SOX5: variants seen among roughly 807,000 people sequenced by gnomAD.
SOX5 encodes SRY-box transcription factor 5.
SOX5 carries 9 observed loss-of-function variants against 92.0 expected under a neutral mutation model. The observed-to-expected ratio is 0.10, with a 90% CI of 0.06 to 0.17. The LOEUF (loss-of-function observed/expected upper bound fraction) is 0.17. Ranked by LOEUF, SOX5 falls within the 10% of genes least tolerant of loss-of-function variation. The probability of loss-of-function intolerance (pLI) is 1.00; values close to 1 mark genes in which losing one functional copy is unlikely to be tolerated. For missense variants in SOX5, 642 were observed against 944.5 expected, an observed-to-expected ratio of 0.68 and a Z score of 4.20; for synonymous variants, 344 against 336.3, an observed-to-expected ratio of 1.02 and a Z score of -0.25.
At chr12:24,500,793 C>T (rs918511113) in intron 1 of SOX5, among the ~76,000 whole-genome samples, 5 of 152,114 alleles carry the variant, frequency 3.3e-5, no homozygotes, top group Non-Finnish European at 4.4e-5. Context: ...AAATATAAAC[C>T]GGCATTTTTA....
At chr12:23,551,354 C>T (rs1283512589) in intron 11 of SOX5, among the ~76,000 whole-genome samples, 1 of 151,744 alleles carries the variant, frequency 6.6e-6, no homozygotes, top group Non-Finnish European at 1.5e-5. Flanking sequence ...AGGCGCATGT[C>T]CACTCTTTAA....
chr12:23,625,487 C>T, intron 8 of SOX5, among the ~76,000 whole-genome samples: 1 of 152,142 alleles, frequency 6.6e-6, no homozygotes, highest in Non-Finnish European at 1.5e-5. Context: ...AAAACAATCC[C>T]AGATATCTTT....
chr12:23,867,268 C>T (rs1299231510), intron 2 of SOX5, among the ~76,000 whole-genome samples: 2 of 152,048 alleles, frequency 1.3e-5, no homozygotes, highest in Non-Finnish European at 2.9e-5. Context: ...ATGTCAAACC[C>T]AACAATGATA....
intron 3 of SOX5, among the ~76,000 whole-genome samples, chr12:24,276,122 G>A (rs1285362156): frequency 6.6e-6 from 1 of 151,944 alleles, no homozygotes; most frequent in Non-Finnish European, 1.5e-5. Context: ...ATTTTTGCCT[G>A]TAAACCTATA....
In SOX5 at chr12:24,547,499, A is replaced by AT. The variant is rs1032560527; in HGVS notation, c.-251+14829dup. Among the ~76,000 whole-genome samples the AT allele has an allele frequency of 1.8e-4, 28 of 152,286 alleles. 1 individual carries two copies. Among genetic ancestry groups the AT allele is most frequent in the African/African-American group, 6.5e-4 (27 of 41,568 alleles). Reference sequence around the variant, plus strand: ...AGCCACCGCGCCCGGCCTATCTAACATTTTTTTAAACAAGGAAAACAAGGA... The same window carrying AT: ...AGCCACCGCGCCCGGCCTATCTAACATTTTTTTTAAACAAGGAAAACAAGGA... On this transcript the variant is annotated intron_variant, in intron 1 of 4. Coordinates refer to the SOX5 transcript ENST00000446891.
chr12:24,287,454 G>T (rs894530472), intron 2 of SOX5, among the ~76,000 whole-genome samples: 1 of 152,044 alleles, frequency 6.6e-6, no homozygotes, highest in Non-Finnish European at 1.5e-5. Context: ...CTTCCTTGCC[G>T]CTGTCAGCCA....
chr12:23,568,225 T>C (rs975175725), intron 10 of SOX5, among the ~76,000 whole-genome samples: 2 of 152,124 alleles, frequency 1.3e-5, no homozygotes, highest in African/African-American at 4.8e-5. Flanking sequence ...GTTATGCATC[T>C]ATGAGCCAGG....
At chr12:24,300,869 T>C (rs1421968295) in intron 2 of SOX5, among the ~76,000 whole-genome samples, 1 of 152,212 alleles carries the variant, frequency 6.6e-6, no homozygotes. Flanking sequence ...TGTGCATATG[T>C]TGAATATGTG....
intron 4 of SOX5, among the ~76,000 whole-genome samples, chr12:23,977,996 A>G (rs1949107242): frequency 6.6e-6 from 1 of 152,246 alleles, no homozygotes; most frequent in Non-Finnish European, 1.5e-5. Context: ...ACCTGTTCAC[A>G]AGTTTGGGAC....
chr12:24,056,654 T>C (rs867671750), intron 4 of SOX5, among the ~76,000 whole-genome samples: 1 of 152,034 alleles, frequency 6.6e-6, no homozygotes, highest in African/African-American at 2.4e-5. Flanking sequence ...GGGCCTCTTA[T>C]ACTTTACAGA....
intron 4 of SOX5, among the ~76,000 whole-genome samples, chr12:24,107,257 C>T (rs1320324294): frequency 6.6e-6 from 1 of 152,162 alleles, no homozygotes; most frequent in African/African-American, 2.4e-5. Flanking sequence ...GGCAGCCACT[C>T]TCTTCTTATT....
intron 9 of SOX5, among the ~76,000 whole-genome samples, chr12:23,597,996 T>C (rs1278508981): frequency 2.0e-5 from 3 of 152,124 alleles, no homozygotes; most frequent in Non-Finnish European, 2.9e-5. Context: ...TCAGGATGGA[T>C]CAGTGATTTG....
At chr12:24,529,854 C>T (rs1287607513) in intron 1 of SOX5, among the ~76,000 whole-genome samples, 6 of 152,138 alleles carry the variant, frequency 3.9e-5, no homozygotes, top group Non-Finnish European at 8.8e-5. Flanking sequence ...CCCGTCTCTA[C>T]TAAAAAATAC....
chr12:24,373,645 T>C (rs532180079), intron 1 of SOX5, among the ~76,000 whole-genome samples: 3 of 152,328 alleles, frequency 2.0e-5, no homozygotes, highest in South Asian at 4.1e-4. Context: ...TATGGGTGTA[T>C]AGCTATGCAC....
intron 1 of SOX5, among the ~76,000 whole-genome samples, chr12:23,933,820 G>T (rs1457902593): frequency 1.3e-5 from 2 of 151,548 alleles, no homozygotes; most frequent in African/African-American, 4.8e-5. Flanking sequence ...TAAGGACAGA[G>T]GTGGGAGTGC....
chr12:23,893,280 T>C (rs1048683483), intron 2 of SOX5, among the ~76,000 whole-genome samples: 1 of 152,138 alleles, frequency 6.6e-6, no homozygotes, highest in African/African-American at 2.4e-5. Context: ...ACCCTGTCTC[T>C]ATTAAAAATA....
At chr12:24,444,270 A>ATG (rs56206607) in intron 1 of SOX5, among the ~76,000 whole-genome samples, 48,661 of 148,972 alleles carry the variant, frequency 0.33, 7,828 homozygotes, top group African/African-American at 0.36. Context: ...AGGCCACTGA[A>ATG]TGTGTGTGTG....
chr12:23,740,770 G>A (rs1362054579), intron 5 of SOX5, 97 bp downstream of exon 5: 1 of 999,192 alleles, frequency 1.0e-6, no homozygotes, highest in African/African-American at 1.6e-5. Context: ...AGGTGGAAGG[G>A]ACTCTTATTC....
intron 3 of SOX5, among the ~76,000 whole-genome samples, chr12:24,253,512 A>G (rs1350149930): frequency 2.0e-5 from 3 of 152,158 alleles, no homozygotes; most frequent in Non-Finnish European, 4.4e-5. Context: ...TAAAGCAAAG[A>G]TGGAAACGGC....
Sources: gnomAD v4.1 joint callset for allele counts (sites outside exome capture counted in the v4.1 genomes callset) on GRCh38, gnomAD v4.1.1 for gene constraint, MANE v1.5 for transcripts, NCBI Gene and HGNC (gene_info 2026-07-23, HGNC 2026-07-21) for gene names.